Variants in KCNJ6 observed in about 807,000 individuals in gnomAD.
KCNJ6 encodes the protein G protein-activated inward rectifier potassium channel 2.
A neutral mutation model predicts 34.2 loss-of-function variants in KCNJ6; 9 were observed. The ratio of observed to expected loss-of-function variants is 0.26; its 90% confidence interval spans 0.16 to 0.46. The LOEUF is 0.46. KCNJ6 is among the 20% of genes least tolerant of loss of function. KCNJ6 has a pLI of 1.00. For missense variants in KCNJ6, 236 were observed against 531.3 expected, an observed-to-expected ratio of 0.44 and a Z score of 5.46; for synonymous variants, 196 against 207.1, an observed-to-expected ratio of 0.95 and a Z score of 0.46.
chr21:37,693,944 C>A (rs932310056), intron 3 of KCNJ6, among the ~76,000 whole-genome samples: 8 of 149,824 alleles, frequency 5.3e-5, no homozygotes, highest in African/African-American at 1.7e-4. Context: ...TTAAAAAAAA[C>A]AAACATTGGA....
intron 2 of KCNJ6, among the ~76,000 whole-genome samples, chr21:37,783,986 G>T (rs1270226067): frequency 1.3e-5 from 2 of 152,198 alleles, no homozygotes; most frequent in African/African-American, 4.8e-5. Context: ...TCTTGATATT[G>T]GACTTCCAGC....
chr21:37,674,348 C>T (rs2054555014), intron 3 of KCNJ6, among the ~76,000 whole-genome samples: 1 of 152,164 alleles, frequency 6.6e-6, no homozygotes, highest in South Asian at 2.1e-4. Context: ...ATCTACAGCT[C>T]ACACGCCAAC....
At chr21:37,789,183 C>T (rs956182616) in intron 2 of KCNJ6, among the ~76,000 whole-genome samples, 3 of 152,142 alleles carry the variant, frequency 2.0e-5, no homozygotes, top group Admixed American at 6.5e-5. Context: ...ACTAGAGATG[C>T]AATTCCTGGA....
At chr21:37,704,487 C>T (rs930094379) in intron 3 of KCNJ6, among the ~76,000 whole-genome samples, 2 of 152,194 alleles carry the variant, frequency 1.3e-5, no homozygotes, top group Non-Finnish European at 2.9e-5. Flanking sequence ...CCCTATTGTA[C>T]ATTCTCCTCT....
At chr21:37,735,192 CCAAA>C (rs1424073589) in intron 2 of KCNJ6, among the ~76,000 whole-genome samples, 2 of 152,126 alleles carry the variant, frequency 1.3e-5, no homozygotes, top group Non-Finnish European at 1.5e-5. Context: ...GACATATTAC[CCAAA>C]CAGAGGAAGA....
chr21:37,719,661 C>T (rs1265499110), intron 2 of KCNJ6: 1 of 152,190 alleles, frequency 6.6e-6, no homozygotes, highest in Non-Finnish European at 1.5e-5. Flanking sequence ...GTCAGTTTTT[C>T]TCCTCCTCTC....
At chr21:37,677,760 CA>C (rs2054571310) in intron 3 of KCNJ6, among the ~76,000 whole-genome samples, 1 of 151,748 alleles carries the variant, frequency 6.6e-6, no homozygotes, top group Admixed American at 6.6e-5. Context: ...ACCCACACAC[CA>C]AACCATTTGT....
intron 3 of KCNJ6, among the ~76,000 whole-genome samples, chr21:37,684,842 G>A (rs1160769731): frequency 6.6e-6 from 1 of 152,194 alleles, no homozygotes; most frequent in African/African-American, 2.4e-5. Flanking sequence ...GAAAACAAGG[G>A]AGAATGACTT....
chr21:37,871,263 A>T (rs559637001), intron 1 of KCNJ6, among the ~76,000 whole-genome samples: 1 of 152,284 alleles, frequency 6.6e-6, no homozygotes, highest in Non-Finnish European at 1.5e-5. Flanking sequence ...CATCATAGCC[A>T]TGATAGTCAT....
intron 2 of KCNJ6, among the ~76,000 whole-genome samples, chr21:37,784,900 T>C (rs953884691): frequency 5.9e-5 from 9 of 152,234 alleles, no homozygotes; most frequent in Admixed American, 5.9e-4. Context: ...AGAATCTGTT[T>C]GTCAGCTCTT....
rs58043642 is a variant in KCNJ6 at position 37,853,853 on chromosome 21, T to TATATATATATATAC, written c.-27-13145_-27-13144insGTATATATATATAT. ...AGAGATACATATATATATGTATATATATATATATAAATTACATTGTGTATA... is the reference window on the plus strand; with the variant it reads ...AGAGATACATATATATATGTATATATATATATATATATACATATATATAAATTACATTGTGTATA... On this transcript the variant is annotated intron_variant, in intron 1 of 3. Transcript: ENST00000609713. Among the ~76,000 whole-genome samples the TATATATATATATAC allele has an allele frequency of 7.6e-3, 1,079 of 142,258 alleles. 26 individuals are homozygous for TATATATATATATAC. The highest frequency in any genetic ancestry group is 0.026 in the African/African-American group (979 of 37,682). The allele number at this position is 142,258 out of a possible 152,430, so 93.3% of individuals were successfully genotyped here. A position where few individuals can be genotyped will look rare whatever the true frequency, so the allele number is the denominator to read the frequency against.
intron 2 of KCNJ6, among the ~76,000 whole-genome samples, chr21:37,766,787 G>T (rs2055093631): frequency 6.6e-6 from 1 of 152,134 alleles, no homozygotes; most frequent in African/African-American, 2.4e-5. Context: ...GGAGGTGAGT[G>T]GTGGATGAAC....
At chr21:37,655,647 T>C (rs1034838960) in intron 3 of KCNJ6, among the ~76,000 whole-genome samples, 3 of 152,208 alleles carry the variant, frequency 2.0e-5, no homozygotes, top group Non-Finnish European at 4.4e-5. Context: ...TCTTCAGTTA[T>C]GTTTCAGTTG....
chr21:37,775,107 T>A (rs556803848), intron 2 of KCNJ6, among the ~76,000 whole-genome samples: 36 of 152,382 alleles, frequency 2.4e-4, no homozygotes, highest in African/African-American at 8.2e-4. Context: ...CCAGGGAAGA[T>A]GAGCATTTTT....
Position 37,624,983 on chromosome 21 carries a change from A to G in KCNJ6, c.*176T>C. 1 of 608,994 alleles carries G rather than the reference A, an allele frequency of 1.6e-6. No individual in the cohort carries two copies. Among genetic ancestry groups the G allele is most frequent in the South Asian group, 2.1e-5 (1 of 48,336 alleles). The allele number at this position is 608,994 out of a possible 1,614,324, so 37.7% of individuals were successfully genotyped here. ...ATCCATGTCTACCTTGTCAATCTGA[A>G]TAACTGAGAGAGGGCAGGTAGATAT... On this transcript the variant is annotated 3_prime_UTR_variant, in exon 4 of 4. Coordinates refer to ENST00000609713, the MANE Select transcript of KCNJ6 (RefSeq NM_002240.5).
At chr21:37,717,619 A>G (rs1398800788) in intron 2 of KCNJ6, among the ~76,000 whole-genome samples, 4 of 152,116 alleles carry the variant, frequency 2.6e-5, no homozygotes, top group African/African-American at 9.7e-5. Context: ...TCTAAATATG[A>G]CTTTATATGG....
rs150048197 is a variant in KCNJ6, at chr21:37,865,323, A to T, written c.-27-24614T>A. On this transcript the variant is annotated intron_variant, in intron 1 of 3. Coordinates refer to ENST00000609713, the MANE Select transcript of KCNJ6 (RefSeq NM_002240.5). The stretch of plus-strand genomic sequence containing the variant: ...AGAAGTTACCATTATACAGAAAAAA[A>T]GTGGAGGAGGCCTTATGCAAATATT... Among the ~76,000 whole-genome samples, 162 of 152,350 alleles carry T rather than the reference A, an allele frequency of 1.1e-3. 4 individuals carry two copies. In the East Asian group the frequency reaches 0.02, roughly 19 times the overall value.
At chr21:37,700,680 T>A (rs1315795386) in intron 3 of KCNJ6, among the ~76,000 whole-genome samples, 3 of 151,990 alleles carry the variant, frequency 2.0e-5, no homozygotes, top group Non-Finnish European at 4.4e-5. Context: ...GAGGAAAGGA[T>A]GTTTGGGTAC....
rs1394567874 is a variant in KCNJ6, at chr21:37,857,632, C to T, written c.-27-16923G>A. 3.3e-5 allele frequency among the ~76,000 whole-genome samples: 5 copies of T among 152,256 alleles called. No homozygotes were observed. In the South Asian group the frequency reaches 6.2e-4, roughly 19 times the overall value. On this transcript the variant is annotated intron_variant, in intron 1 of 3. Coordinates refer to ENST00000609713, the MANE Select transcript of KCNJ6 (RefSeq NM_002240.5). ...GGAATTAGACAGAACTTTACTCTAG[C>T]CCAAGAGACTTCTTGCTCTGTGCTA...
Sources: allele counts gnomAD v4.1 joint callset (sites outside exome capture counted in the v4.1 genomes callset), GRCh38; gene constraint gnomAD v4.1.1; transcripts MANE v1.5; gene names NCBI Gene and HGNC (gene_info 2026-07-23, HGNC 2026-07-21).